Variants in PAN3 observed in about 807,000 individuals in gnomAD.
PAN3 encodes PAN2-PAN3 deadenylation complex subunit PAN3.
PAN3 carries 19 observed loss-of-function variants against 96.2 expected under a neutral mutation model. The ratio of observed to expected loss-of-function variants is 0.20; its 90% confidence interval spans 0.14 to 0.29. PAN3 has a LOEUF of 0.29. PAN3 is among the 10% of genes least tolerant of loss of function. The pLI, the probability that PAN3 is intolerant of heterozygous loss-of-function variation, is 1.00. For synonymous variants in PAN3, 433 were observed against 406.6 expected, an observed-to-expected ratio of 1.06 and a Z score of -0.78; for missense variants, 882 against 1,108.1, an observed-to-expected ratio of 0.80 and a Z score of 2.90.
At chr13:28,164,201 T>A (rs957802975) in intron 1 of PAN3, among the ~76,000 whole-genome samples, 84 of 152,326 alleles carry the variant, frequency 5.5e-4, no homozygotes, top group Admixed American at 3.9e-4. Context: ...TACAGTTTTT[T>A]AAAATAACTT....
chr13:28,252,270 C>T (rs1158075131), intron 6 of PAN3, among the ~76,000 whole-genome samples: 1 of 137,116 alleles, frequency 7.3e-6, no homozygotes, highest in Non-Finnish European at 1.5e-5. Context: ...TCTGTGTGTT[C>T]ATAACATTGG....
intron 2 of PAN3, among the ~76,000 whole-genome samples, chr13:28,175,995 T>C (rs1320225250): frequency 6.6e-6 from 1 of 152,156 alleles, no homozygotes; most frequent in Non-Finnish European, 1.5e-5. Flanking sequence ...TGAAGGGCCT[T>C]ACAGGATGGA....
intron 1 of PAN3, among the ~76,000 whole-genome samples, chr13:28,154,727 C>G (rs1871869585): frequency 1.3e-5 from 2 of 151,646 alleles, no homozygotes; most frequent in African/African-American, 4.8e-5. Context: ...AACTCCTGAC[C>G]TCAGGCAATC....
Position 28,267,132 on chromosome 13 carries a change from C to A in PAN3, c.1611C>A (p.Val537=). ...RLVNTKCMVL[V]DMWKKIQHSN... ...TTAACACAAAGTGCATGGTGTTGGT[C>A]GACATGTGGAAGAAAATTCAACACT... The change falls in exon 11 of 19, where the codon GTC becomes GTA. Residue 537 remains valine, a synonymous_variant. Coordinates refer to ENST00000380958, the MANE Select transcript of PAN3 (RefSeq NM_175854.8). 1 of 1,612,560 alleles carries A rather than the reference C, an allele frequency of 6.2e-7. No homozygotes were observed. The highest frequency in any genetic ancestry group is 1.1e-5 in the South Asian group (1 of 91,030).
At chr13:28,253,538 C>T (rs1300223694) in intron 6 of PAN3, among the ~76,000 whole-genome samples, 1 of 150,440 alleles carries the variant, frequency 6.6e-6, no homozygotes, top group East Asian at 1.9e-4. Flanking sequence ...TCCTTATTGG[C>T]GGGGGTGGTG....
chr13:28,275,182 A>T (rs79558254), intron 14 of PAN3, among the ~76,000 whole-genome samples: 31 of 152,306 alleles, frequency 2.0e-4, no homozygotes, highest in African/African-American at 7.2e-4. Flanking sequence ...AGATTTTATT[A>T]ACTTCTTTTG....
At chr13:28,249,855 A>G (rs1318087825) in intron 6 of PAN3, among the ~76,000 whole-genome samples, 1 of 152,178 alleles carries the variant, frequency 6.6e-6, no homozygotes, top group Non-Finnish European at 1.5e-5. Context: ...GTCAGTGCTT[A>G]TTCAAATTTT....
rs904211666 is a variant in PAN3, at chr13:28,174,525, G to A, written c.552+132G>A. ...TAGGAGGCAGTGAGATGGGTGAGAT[G>A]TAGGTAAACTATCTCCCATGGGGTT... On this transcript the variant is annotated intron_variant, in intron 2 of 18. Coordinates refer to ENST00000380958, the MANE Select transcript of PAN3 (RefSeq NM_175854.8). 62 of 1,027,652 alleles carry A rather than the reference G, an allele frequency of 6.0e-5. 1 individual carries two copies. In the East Asian group the frequency reaches 6.8e-4, roughly 11 times the overall value. 63.7% of individuals were successfully genotyped at this position (1,027,652 alleles called of 1,614,324 possible).
intron 1 of PAN3, among the ~76,000 whole-genome samples, chr13:28,169,402 G>C (rs1874013836): frequency 6.6e-6 from 1 of 150,906 alleles, no homozygotes; most frequent in Non-Finnish European, 1.5e-5. Context: ...GCTAATGCTT[G>C]TATTTTTAGT....
intron 15 of PAN3, among the ~76,000 whole-genome samples, chr13:28,279,121 A>C (rs1023348057): frequency 2.6e-5 from 4 of 151,878 alleles, no homozygotes; most frequent in Admixed American, 2.6e-4. Context: ...AAGGGCAGAG[A>C]ATGGCTTTAC....
In PAN3 at chr13:28,290,456, C is replaced by T. The variant is rs184831339; in HGVS notation, c.2524-1926C>T. ...CAGCACTTTGGGAGGCCCAGGTGCA[C>T]GGATCACCTGAGGTCGGGAGTTTGA... On this transcript the variant is annotated intron_variant, in intron 18 of 18. Coordinates refer to ENST00000380958, the MANE Select transcript of PAN3 (RefSeq NM_175854.8). 8.5e-5 allele frequency among the ~76,000 whole-genome samples: 13 copies of T among 152,220 alleles called. No individual in the cohort carries two copies. In the East Asian group the frequency reaches 1.9e-3, roughly 23 times the overall value.
chr13:28,242,165 G>A (rs191659019), intron 6 of PAN3, among the ~76,000 whole-genome samples: 71 of 152,274 alleles, frequency 4.7e-4, no homozygotes, highest in Non-Finnish European at 9.1e-4. Context: ...GTTGTTTCAT[G>A]TTTGCTTTTA....
At chr13:28,245,232 C>T (rs1255140468) in intron 6 of PAN3, among the ~76,000 whole-genome samples, 1 of 152,120 alleles carries the variant, frequency 6.6e-6, no homozygotes, top group Non-Finnish European at 1.5e-5. Context: ...GAATTGACAT[C>T]TTTATAACAA....
At chr13:28,230,851 TCAAA>T (rs45539341) in intron 6 of PAN3, among the ~76,000 whole-genome samples, 291 of 152,348 alleles carry the variant, frequency 1.9e-3, no homozygotes, top group African/African-American at 5.8e-3. Flanking sequence ...CACCATTTAC[TCAAA>T]CAGTCACTAC....
chr13:28,221,218 C>T (rs1053539980), intron 6 of PAN3, among the ~76,000 whole-genome samples: 18 of 151,982 alleles, frequency 1.2e-4, no homozygotes, highest in Admixed American at 9.8e-4. Context: ...AGGTGGTATG[C>T]ACAATCACAT....
At chr13:28,190,664 T>C (rs955043108) in intron 4 of PAN3, among the ~76,000 whole-genome samples, 1 of 152,216 alleles carries the variant, frequency 6.6e-6, no homozygotes, top group African/African-American at 2.4e-5. Context: ...AGAGGTTTAA[T>C]TGACTCACAG....
At chr13:28,237,029 G>A (rs116174138) in intron 6 of PAN3, among the ~76,000 whole-genome samples, 121 of 152,110 alleles carry the variant, frequency 8.0e-4, no homozygotes, top group African/African-American at 2.8e-3. Context: ...TCTGTCTTAG[G>A]CTCTTAGTCC....
intron 17 of PAN3, among the ~76,000 whole-genome samples, chr13:28,284,328 T>C (rs1868692795): frequency 6.6e-6 from 1 of 152,194 alleles, no homozygotes; most frequent in African/African-American, 2.4e-5. Context: ...TCAATTGGAT[T>C]GCTTGTCTTT....
chr13:28,156,992 CAAAAAAAAAAAAAA>C (rs35448291), intron 1 of PAN3, among the ~76,000 whole-genome samples: 5 of 18,450 alleles, frequency 2.7e-4, no homozygotes, highest in East Asian at 3.5e-3. Context: ...GAGACCCTGT[CAAAAAAAAAAAAAA>C]AAAAAAAAAA....
Sources: gnomAD v4.1 joint callset for allele counts (sites outside exome capture counted in the v4.1 genomes callset) on GRCh38, gnomAD v4.1.1 for gene constraint, MANE v1.5 for transcripts, NCBI Gene and HGNC (gene_info 2026-07-23, HGNC 2026-07-21) for gene names.